YTHDC2: variants seen among roughly 807,000 people sequenced by gnomAD.
YTHDC2 encodes the protein 3'-5' RNA helicase YTHDC2.
In YTHDC2, 45 loss-of-function variants were observed where a neutral mutation model predicts 174.9. The observed-to-expected ratio is 0.26, with a 90% CI of 0.20 to 0.33. YTHDC2 has a LOEUF of 0.33. Among genes scored for constraint, YTHDC2 ranks in the 10% least tolerant of loss-of-function variants. The pLI is 1.00. For missense variants in YTHDC2, 1,650 were observed against 1,723.7 expected (o/e 0.96, Z 0.76); for synonymous variants, 657 against 574.5 (o/e 1.14, Z -2.05).
At chr5:113,543,684 C>G (rs970527080) in intron 10 of YTHDC2, among the ~76,000 whole-genome samples, 1 of 152,144 alleles carries the variant, frequency 6.6e-6, no homozygotes, top group African/African-American at 2.4e-5. Context: ...AATCAAAGTC[C>G]TTTCCATGAT....
intron 18 of YTHDC2, among the ~76,000 whole-genome samples, chr5:113,563,149 A>G (rs1777110456): frequency 6.6e-6 from 1 of 151,988 alleles, no homozygotes; most frequent in South Asian, 2.1e-4. Flanking sequence ...GAGCAATGGC[A>G]ATCTTGGTAT....
chr5:113,538,187 A>G (rs1775213482), intron 7 of YTHDC2, among the ~76,000 whole-genome samples: 1 of 152,054 alleles, frequency 6.6e-6, no homozygotes, highest in South Asian at 2.1e-4. Context: ...TTTCACTATT[A>G]TTAATCTCAT....
intron 20 of YTHDC2, 136 bp downstream of exon 20, chr5:113,564,267 G>T (rs1413138045): frequency 9.9e-7 from 1 of 1,009,720 alleles, no homozygotes; most frequent in Admixed American, 3.3e-5. Context: ...CACATTAATA[G>T]TCCTGAAAAA....
chr5:113,538,611 C>T (rs1427953365), intron 7 of YTHDC2, among the ~76,000 whole-genome samples: 1 of 145,040 alleles, frequency 6.9e-6, no homozygotes, highest in Non-Finnish European at 1.5e-5. Context: ...TCTTGTTTCT[C>T]ATTTTCTTAG....
intron 1 of YTHDC2, chr5:113,514,413 T>G (rs1580456397): frequency 9.4e-6 from 5 of 529,268 alleles, no homozygotes. Flanking sequence ...TTTAAGGGGG[T>G]GTCACCTAAT....
At chr5:113,532,588 TTCAGG>T (rs1450549050) in intron 4 of YTHDC2, among the ~76,000 whole-genome samples, 2 of 152,206 alleles carry the variant, frequency 1.3e-5, no homozygotes, top group Admixed American at 1.3e-4. Context: ...TCTTTATATA[TTCAGG>T]TCTTCTTTTA....
chr5:113,539,019 A>T (rs1476942513), intron 7 of YTHDC2, 55 bp from the exon 8 acceptor site: 4 of 878,794 alleles, frequency 4.6e-6, no homozygotes, highest in Non-Finnish European at 5.0e-6. Flanking sequence ...TCATGTTTTT[A>T]TGTGAATTTT....
At chr5:113,542,305 T>C (rs1411603368) in intron 9 of YTHDC2, 63 bp from the exon 10 acceptor site, 6 of 1,553,774 alleles carry the variant, frequency 3.9e-6, no homozygotes, top group African/African-American at 2.7e-5. Context: ...GGCCATCTTA[T>C]GTTCTTTGCA....
chr5:113,524,943 CTT>C, intron 2 of YTHDC2, 36 bp from the exon 3 acceptor site: 1 of 1,458,556 alleles, frequency 6.9e-7, no homozygotes, highest in Non-Finnish European at 9.2e-7. Flanking sequence ...AACAAGTTGA[CTT>C]TATATAGTAA....
chr5:113,581,089 T>G (rs1006771825), intron 24 of YTHDC2, among the ~76,000 whole-genome samples: 2 of 152,184 alleles, frequency 1.3e-5, no homozygotes, highest in Admixed American at 6.6e-5. Context: ...CATTTGGATG[T>G]TCTACAGGCA....
chr5:113,550,012 G>GA (rs975872456), intron 12 of YTHDC2, among the ~76,000 whole-genome samples: 6 of 151,618 alleles, frequency 4.0e-5, no homozygotes, highest in African/African-American at 7.3e-5. Flanking sequence ...GAAAATTGTA[G>GA]AAAAAACATA....
At chr5:113,567,453 A>G (rs1055535732) in intron 22 of YTHDC2, among the ~76,000 whole-genome samples, 156 bp downstream of exon 22, 8 of 146,014 alleles carry the variant, frequency 5.5e-5, no homozygotes, top group Non-Finnish European at 1.2e-4. Flanking sequence ...CAAAACTTAT[A>G]AATTTTAGAG....
intron 23 of YTHDC2, among the ~76,000 whole-genome samples, chr5:113,575,947 T>A (rs1561695672): frequency 3.3e-5 from 5 of 151,978 alleles, no homozygotes; most frequent in Admixed American, 2.0e-4. Flanking sequence ...TGAATGTGGG[T>A]AGTAAGGGAA....
At chr5:113,536,964 A>C (rs937001663) in intron 7 of YTHDC2, among the ~76,000 whole-genome samples, 7 of 152,208 alleles carry the variant, frequency 4.6e-5, no homozygotes, top group Non-Finnish European at 4.4e-5. Context: ...AAGCACCTGC[A>C]TAATAAAGTA....
chr5:113,562,842 T>C (rs1456933814), intron 18 of YTHDC2, among the ~76,000 whole-genome samples: 2 of 152,204 alleles, frequency 1.3e-5, no homozygotes, highest in African/African-American at 4.8e-5. Context: ...TAGCTCCCTA[T>C]AGCCTTCATA....
chr5:113,558,463 A>AATTCAACAT, intron 17 of YTHDC2, among the ~76,000 whole-genome samples: 1 of 152,200 alleles, frequency 6.6e-6, no homozygotes, highest in African/African-American at 2.4e-5. Flanking sequence ...AATTCAAGAG[A>AATTCAACAT]TACTAAAGAA....
chr5:113,542,295 G>A, intron 9 of YTHDC2, 73 bp from the exon 10 acceptor site: 1 of 1,490,536 alleles, frequency 6.7e-7, no homozygotes. Context: ...TGGCCATTGT[G>A]GCCATCTTAT....
intron 18 of YTHDC2, among the ~76,000 whole-genome samples, chr5:113,561,669 A>G (rs1776985207): frequency 6.6e-6 from 1 of 151,846 alleles, no homozygotes; most frequent in African/African-American, 2.4e-5. Context: ...GGGTTTCACC[A>G]TCGTGACCAG....
intron 23 of YTHDC2, among the ~76,000 whole-genome samples, chr5:113,574,996 G>T (rs1777954232): frequency 6.6e-6 from 1 of 152,192 alleles, no homozygotes; most frequent in African/African-American, 2.4e-5. Context: ...CTTTTGCTCT[G>T]TGCTGCTCCT....
Sources: gnomAD v4.1 joint callset for allele counts (sites outside exome capture counted in the v4.1 genomes callset) on GRCh38, gnomAD v4.1.1 for gene constraint, MANE v1.5 for transcripts, NCBI Gene and HGNC (gene_info 2026-07-23, HGNC 2026-07-21) for gene names.